The following PSG6 variants were observed in gnomAD, a reference collection of about 807,000 sequenced individuals.
PSG6 encodes the protein pregnancy specific beta-1-glycoprotein 6, also known as pregnancy-specific beta-1-glycoprotein 6.
A neutral mutation model predicts 43.3 loss-of-function variants in PSG6; 51 were observed. That is an observed-to-expected ratio of 1.18 (90% CI 0.94 to 1.49). The LOEUF is 1.49. Among genes scored for constraint, PSG6 ranks in the 40% most tolerant of loss-of-function variants. The pLI is 0.00. For synonymous variants in PSG6, 292 were observed against 197.6 expected (o/e 1.48, Z -4.01); for missense variants, 770 against 522.2 (o/e 1.47, Z -4.62).
At chr19:42,906,392 C>T (rs1296462337) in intron 5 of PSG6, among the ~76,000 whole-genome samples, 1 of 151,296 alleles carries the variant, frequency 6.6e-6, no homozygotes, top group Non-Finnish European at 1.5e-5. Flanking sequence ...TTGGTTCCAC[C>T]CCAGGTGGAG....
intron 2 of PSG6, chr19:42,915,291 A>G (rs1298259090): frequency 6.6e-6 from 1 of 151,854 alleles, no homozygotes; most frequent in African/African-American, 2.4e-5. Flanking sequence ...AAGTATTCAC[A>G]GTCAACTGAC....
In PSG6 at chr19:42,910,718, G is replaced by A; in HGVS notation, c.568C>T (p.His190Tyr). 1 of 1,612,330 alleles carries A rather than the reference G, an allele frequency of 6.2e-7. No homozygotes were observed. Among genetic ancestry groups the A allele is most frequent in the Non-Finnish European group, 8.5e-7 (1 of 1,179,248 alleles). Residue 190 changes from histidine to tyrosine, a missense_variant, in exon 3 of 6, where the codon CAC (histidine) becomes TAC (tyrosine). His to Tyr is a moderately conservative substitution (Grantham distance 83, BLOSUM62 2). Transcript: ENST00000187910. ...LLNGQNLPMTHRLQLSKTNRT... is the reference protein window; with the variant it reads ...LLNGQNLPMTYRLQLSKTNRT... Reference sequence around the variant, plus strand: ...TTGGTTTTGGACAGCTGCAACCTGTGAGTCATAGGGAGGTTCTGACCATTC... The same window carrying A: ...TTGGTTTTGGACAGCTGCAACCTGTAAGTCATAGGGAGGTTCTGACCATTC...
At position 42,916,398 on chromosome 19, in the gene PSG6, G is replaced by A. The variant is rs773717993; in HGVS notation, c.154C>T (p.Leu52Phe). The part of the protein sequence containing the change: ...PPKVSEGKDV[L>F]LLVHNLPQNL... ...TGGGGCAAATTGTGGACAAGTAGAA[G>A]AACATCCTTCCCCTCGGAAACTTTG... The change falls in exon 2 of 6, where the codon CTT (leucine) becomes TTT (phenylalanine). Residue 52 changes from leucine to phenylalanine, a missense_variant. Transcript: ENST00000187910. 2 of 1,612,160 alleles carry A rather than the reference G, an allele frequency of 1.2e-6. No individual in the cohort carries two copies. Among genetic ancestry groups the A allele is most frequent in the Admixed American group, 1.7e-5 (1 of 59,888 alleles).
chr19:42,917,741 GC>G lies in PSG6; in HGVS notation c.51del (p.Leu18SerfsTer8). 6.2e-7 allele frequency: 1 copy of G among 1,608,830 alleles called. No individual in the cohort carries two copies. Among genetic ancestry groups the G allele is most frequent in the East Asian group, 2.2e-5 (1 of 44,650 alleles). ...PPCTQHITWK[G>X]LLLTASLLNF... ...GTCCTCTCCTCACCTGTGAGCAGGA[GC>G]CCCTTCCAGGTGATGTGCTGAGTGC... is the stretch of plus-strand genomic sequence containing the variant. On this transcript the variant is annotated frameshift_variant, in exon 1 of 6. Coordinates refer to ENST00000187910, the MANE Select transcript of PSG6 (RefSeq NM_001031850.4). LOFTEE classifies it high-confidence loss of function.
chr19:42,913,095 G>A (rs1017846990), intron 2 of PSG6, among the ~76,000 whole-genome samples: 2 of 151,532 alleles, frequency 1.3e-5, no homozygotes, highest in African/African-American at 4.9e-5. Flanking sequence ...TCAAGCTAGG[G>A]ATTCTTTCCT....
chr19:42,904,571 A>G (rs1172996724), intron 5 of PSG6, among the ~76,000 whole-genome samples: 1 of 151,762 alleles, frequency 6.6e-6, no homozygotes, highest in African/African-American at 2.4e-5. Context: ...ATATTTAGGA[A>G]TAAGTTTAAC....
intron 2 of PSG6, among the ~76,000 whole-genome samples, chr19:42,912,179 G>T (rs1324614142): frequency 2.0e-5 from 3 of 151,600 alleles, no homozygotes; most frequent in Non-Finnish European, 2.9e-5. Context: ...GGTCAGAAGT[G>T]TTGAGTTTTG....
At chr19:42,910,534 T>C in intron 3 of PSG6, 46 bp downstream of exon 3, 1 of 1,612,512 alleles carries the variant, frequency 6.2e-7, no homozygotes. Flanking sequence ...TGGCCACTTG[T>C]ATTTGGGATG....
At chr19:42,907,392 C>T (rs1051654720) in intron 4 of PSG6, among the ~76,000 whole-genome samples, 184 bp downstream of exon 4, 2 of 151,884 alleles carry the variant, frequency 1.3e-5, no homozygotes, top group Non-Finnish European at 2.9e-5. Flanking sequence ...AGCGCCCCTC[C>T]CCTTATATTC....
intron 3 of PSG6, 35 bp from the exon 4 acceptor site, chr19:42,907,889 C>G (rs771986502): frequency 6.2e-7 from 1 of 1,604,168 alleles, no homozygotes; most frequent in East Asian, 2.2e-5. Context: ...CTGTGTGGCA[C>G]CTTTGATTCC....
At chr19:42,917,129 T>A (rs1266520582) in intron 1 of PSG6, among the ~76,000 whole-genome samples, 19 of 151,438 alleles carry the variant, frequency 1.3e-4, no homozygotes, top group Non-Finnish European at 2.4e-4. Flanking sequence ...TTTCATGCCC[T>A]GGTTACATTT....
rs144309712 is a variant in PSG6, at chr19:42,916,161, C to T, written c.391G>A (p.Gly131Arg). Residue 131 changes from glycine to arginine, a missense_variant, in exon 2 of 6, where the codon GGA becomes AGA. Gly to Arg is a moderately radical substitution (Grantham distance 125). Coordinates refer to ENST00000187910, the MANE Select transcript of PSG6 (RefSeq NM_001031850.4). ...LHIIKRGDGTGGVTGYFTVTL... is the reference protein window; with the variant it reads ...LHIIKRGDGTRGVTGYFTVTL... The stretch of plus-strand genomic sequence containing the variant: ...ACAGTGAAATATCCAGTTACTCCTC[C>T]AGTCCCATCGCCTCGCTTTATGATG... 9.5e-5 allele frequency: 153 copies of T among 1,612,046 alleles called. 4 individuals are homozygous for T. The Admixed American group carries it at 1.1e-3, about 12-fold the overall frequency.
chr19:42,917,600 T>A, intron 1 of PSG6, 129 bp downstream of exon 1: 1 of 1,401,360 alleles, frequency 7.1e-7, no homozygotes, highest in Non-Finnish European at 9.8e-7. Flanking sequence ...CCTGATCTCG[T>A]GATCCACCCA....
intron 3 of PSG6, chr19:42,910,297 A>T (rs1972193693): frequency 1.3e-6 from 1 of 779,974 alleles, no homozygotes; most frequent in African/African-American, 1.8e-5. Flanking sequence ...TCCCAGCCAA[A>T]TCCCCGCTGT....
In PSG6 at chr19:42,907,287, C is replaced by T. The variant is rs1247169508; in HGVS notation, c.986-111G>A. The T allele has an allele frequency of 3.3e-6, 5 of 1,503,256 alleles. No individual in the cohort carries two copies. In the Middle Eastern group the frequency reaches 6.6e-4, roughly 198 times the overall value. 93.1% of individuals were successfully genotyped at this position (1,503,256 alleles called of 1,614,324 possible). On this transcript the variant is annotated intron_variant, in intron 4 of 5. Transcript: ENST00000187910. ...TGAACCAAGACACAACCTCAAGTGA[C>T]AGCCAAATCCCATCTATGTTTACTA...
At chr19:42,915,378 C>G (rs956879074) in intron 2 of PSG6, 1 of 152,056 alleles carries the variant, frequency 6.6e-6, no homozygotes, top group Non-Finnish European at 1.5e-5. Flanking sequence ...AGCACCTTTG[C>G]GTCAGATCCC....
At chr19:42,916,031 G>C (rs1267643708) in intron 2 of PSG6, 94 bp downstream of exon 2, 8 of 1,577,466 alleles carry the variant, frequency 5.1e-6, no homozygotes, top group Non-Finnish European at 6.9e-6. Context: ...TGCAGAGAGT[G>C]ACACAGGCAG....
chr19:42,906,818 C>T, intron 5 of PSG6, 104 bp downstream of exon 5: 1 of 1,605,924 alleles, frequency 6.2e-7, no homozygotes, highest in Non-Finnish European at 8.5e-7. Flanking sequence ...TGCTTGTGCC[C>T]ATGGGACACA....
chr19:42,907,620 C>T lies in PSG6; in HGVS notation c.941G>A (p.Arg314Gln), dbSNP rs533861405. Residue 314 changes from arginine (R) to glutamine (Q), a missense_variant, in exon 4 of 6, where the codon CGA becomes CAA. Arg to Gln is a conservative substitution (Grantham distance 43). Coordinates refer to ENST00000187910, the MANE Select transcript of PSG6 (RefSeq NM_001031850.4). ...TGPYQCEIRD[R>Q]YGGIRSNPVT... Reference sequence around the variant, plus strand: ...TGGGTTACTGCGGATGCCACCATATCGGTCCCGTATTTCACATTGATAGGG... The same window carrying T: ...TGGGTTACTGCGGATGCCACCATATTGGTCCCGTATTTCACATTGATAGGG... The T allele has an allele frequency of 5.3e-5, 85 of 1,611,806 alleles. 2 individuals are homozygous for T. The highest frequency in any genetic ancestry group is 1.9e-4 in the African/African-American group (14 of 74,870).
Sources: gnomAD v4.1 joint callset for allele counts (sites outside exome capture counted in the v4.1 genomes callset) on GRCh38, gnomAD v4.1.1 for gene constraint, MANE v1.5 for transcripts, NCBI Gene and HGNC (gene_info 2026-07-23, HGNC 2026-07-21) for gene names.